The following GRID2 variants were observed in gnomAD, a reference collection of about 807,000 sequenced individuals.
GRID2 encodes the protein glutamate receptor ionotropic, delta-2.
A neutral mutation model predicts 114.8 loss-of-function variants in GRID2; 33 were observed. That is an observed-to-expected ratio of 0.29 (90% CI 0.22 to 0.38). The LOEUF (loss-of-function observed/expected upper bound fraction) is 0.38. GRID2 is among the 10% of genes least tolerant of loss of function. The probability of loss-of-function intolerance (pLI) is 1.00; values close to 1 mark genes in which losing one functional copy is unlikely to be tolerated. For synonymous variants in GRID2, 505 were observed against 449.9 expected (o/e 1.12, Z -1.55); for missense variants, 1,184 against 1,257.7 (o/e 0.94, Z 0.89).
At chr4:92,319,214 TG>T (rs1196737405) in intron 1 of GRID2, among the ~76,000 whole-genome samples, 67 of 152,296 alleles carry the variant, frequency 4.4e-4, no homozygotes, top group Non-Finnish European at 8.1e-4. Flanking sequence ...ATGTTATTCT[TG>T]GTTTGATTAA....
chr4:92,790,724 GAAAAAAAAA>G (rs148843080), intron 2 of GRID2, among the ~76,000 whole-genome samples: 1 of 99,404 alleles, frequency 1.0e-5, no homozygotes, highest in Non-Finnish European at 2.3e-5. Flanking sequence ...AGCTTTTTAA[GAAAAAAAAA>G]AAAAAAAAGT....
chr4:92,490,518 C>T (rs1723100314), intron 1 of GRID2, among the ~76,000 whole-genome samples: 1 of 151,988 alleles, frequency 6.6e-6, no homozygotes, highest in South Asian at 2.1e-4. Context: ...CATTATGTTC[C>T]CAAGATGATT....
intron 8 of GRID2, among the ~76,000 whole-genome samples, chr4:93,346,290 G>A (rs1453451713): frequency 2.0e-5 from 3 of 152,016 alleles, no homozygotes; most frequent in Non-Finnish European, 4.4e-5. Context: ...TTATATTTGA[G>A]GTCGAAATTC....
intron 2 of GRID2, among the ~76,000 whole-genome samples, chr4:92,921,066 C>G (rs1418653377): frequency 1.3e-5 from 2 of 152,010 alleles, no homozygotes; most frequent in African/African-American, 4.8e-5. Flanking sequence ...CTTTTTTTCT[C>G]TAAACTTCTC....
At chr4:93,551,398 T>C (rs950929998) in intron 13 of GRID2, among the ~76,000 whole-genome samples, 2 of 152,120 alleles carry the variant, frequency 1.3e-5, no homozygotes, top group Admixed American at 1.3e-4. Context: ...AATAACTGCC[T>C]AGTGGGACAG....
intron 1 of GRID2, among the ~76,000 whole-genome samples, chr4:92,486,399 C>T (rs542430265): frequency 6.6e-6 from 1 of 151,646 alleles, no homozygotes; most frequent in Non-Finnish European, 1.5e-5. Flanking sequence ...TACTCCTTGT[C>T]ATATATGTAA....
intron 14 of GRID2, among the ~76,000 whole-genome samples, chr4:93,725,931 G>C (rs567013038): frequency 6.6e-6 from 1 of 152,206 alleles, no homozygotes; most frequent in South Asian, 2.1e-4. Context: ...CATTCTGTAG[G>C]TTGCCTGTTC....
At chr4:93,296,942 C>T (rs113987372) in intron 8 of GRID2, among the ~76,000 whole-genome samples, 38 of 152,184 alleles carry the variant, frequency 2.5e-4, no homozygotes, top group African/African-American at 9.2e-4. Context: ...ATATTGTATT[C>T]CAAAACTTTG....
At chr4:92,955,266 C>T (rs930104608) in intron 2 of GRID2, among the ~76,000 whole-genome samples, 19 of 149,394 alleles carry the variant, frequency 1.3e-4, no homozygotes, top group Non-Finnish European at 1.3e-4. Flanking sequence ...TCCACATCCT[C>T]TCCAGCACCT....
intron 2 of GRID2, among the ~76,000 whole-genome samples, chr4:92,845,001 C>A (rs2149414753): frequency 6.6e-6 from 1 of 152,134 alleles, no homozygotes; most frequent in Admixed American, 6.6e-5. Context: ...GTGCCATGGC[C>A]TTGATTAGGA....
intron 2 of GRID2, among the ~76,000 whole-genome samples, chr4:93,032,446 A>T (rs1052760847): frequency 6.6e-6 from 1 of 152,128 alleles, no homozygotes; most frequent in Admixed American, 6.5e-5. Flanking sequence ...TAAAAATATG[A>T]TATTGAATTT....
rs554126137 is a variant in GRID2 at position 92,763,362 on chromosome 4, A to G, written c.244+173076A>G. Among the ~76,000 whole-genome samples the G allele has an allele frequency of 1.8e-3, 281 of 152,318 alleles. 1 individual carries two copies. The Middle Eastern group carries it at 0.024, about 13-fold the overall frequency. ...TATATGTATTTTCCCATAAATATAC[A>G]TAATATTTATACAGTCTGTCCTCCA... On this transcript the variant is annotated intron_variant, in intron 2 of 15. Transcript: ENST00000282020.
intron 2 of GRID2, among the ~76,000 whole-genome samples, chr4:92,614,463 G>A (rs558505357): frequency 6.6e-6 from 1 of 151,216 alleles, no homozygotes; most frequent in Admixed American, 6.6e-5. Context: ...TTCCAATTTT[G>A]TCTTGTAATT....
chr4:93,644,088 G>A (rs564493844), intron 14 of GRID2, among the ~76,000 whole-genome samples: 2 of 79,580 alleles, frequency 2.5e-5, no homozygotes, highest in South Asian at 4.1e-4. Context: ...AGGTGCGTCC[G>A]TCACCCCTTT....
At chr4:93,370,451 A>G (rs866071452) in intron 8 of GRID2, among the ~76,000 whole-genome samples, 17 of 148,820 alleles carry the variant, frequency 1.1e-4, no homozygotes, top group Non-Finnish European at 1.9e-4. Flanking sequence ...ACACACACAC[A>G]CGCACACACA....
chr4:93,493,726 A>T (rs1282416208), intron 12 of GRID2, among the ~76,000 whole-genome samples: 1 of 151,682 alleles, frequency 6.6e-6, no homozygotes, highest in East Asian at 1.9e-4. Context: ...CCTGTCTCAA[A>T]TTTTTCATCC....
At position 93,270,227 on chromosome 4, in the gene GRID2, C is replaced by T. The variant is rs962680388; in HGVS notation, c.1245+31737C>T. ...TCTCACACACACATACACACACACA[C>T]ACACACACACACACACACACACACA... On this transcript the variant is annotated intron_variant, in intron 8 of 15. Coordinates refer to ENST00000282020, the MANE Select transcript of GRID2 (RefSeq NM_001510.4). 1.2e-3 allele frequency among the ~76,000 whole-genome samples: 172 copies of T among 142,680 alleles called. 1 individual carries two copies. Among genetic ancestry groups the T allele is most frequent in the African/African-American group, 3.8e-3 (145 of 37,960 alleles). The allele number at this position is 142,680 out of a possible 152,430, so 93.6% of individuals were successfully genotyped here. A position where few individuals can be genotyped will look rare whatever the true frequency, so the allele number is the denominator to read the frequency against.
At chr4:92,736,220 A>G (rs1474945475) in intron 2 of GRID2, among the ~76,000 whole-genome samples, 5 of 152,078 alleles carry the variant, frequency 3.3e-5, no homozygotes, top group Admixed American at 6.6e-5. Context: ...TTTTGGAGTG[A>G]TTTGATTGTT....
intron 13 of GRID2, among the ~76,000 whole-genome samples, chr4:93,580,615 A>G (rs1158787982): frequency 2.0e-5 from 3 of 152,130 alleles, no homozygotes; most frequent in African/African-American, 4.8e-5. Flanking sequence ...TCATGATGCC[A>G]TATTCTAAAT....
Sources: gnomAD v4.1 joint callset for allele counts (sites outside exome capture counted in the v4.1 genomes callset) on GRCh38, gnomAD v4.1.1 for gene constraint, MANE v1.5 for transcripts, NCBI Gene and HGNC (gene_info 2026-07-23, HGNC 2026-07-21) for gene names.